EFCAB6: variants seen among roughly 807,000 people sequenced by gnomAD.
EFCAB6 encodes EF-hand calcium binding domain 6, also known as EF-hand calcium-binding domain-containing protein 6.
In EFCAB6, 156 loss-of-function variants were observed where a neutral mutation model predicts 169.8. The ratio of observed to expected loss-of-function variants is 0.92; its 90% CI spans 0.81 to 1.05. The LOEUF (loss-of-function observed/expected upper bound fraction) is 1.05, where lower values mean the gene tolerates loss of function less well. Among genes scored for constraint, EFCAB6 ranks in the 50% least tolerant of loss-of-function variants. The pLI, the probability that EFCAB6 is intolerant of heterozygous loss-of-function variation, is 0.00. For synonymous variants in EFCAB6, 698 were observed against 676.4 expected (o/e 1.03, Z -0.50); for missense variants, 1,800 against 1,829.1 (o/e 0.98, Z 0.29).
intron 17 of EFCAB6, among the ~76,000 whole-genome samples, chr22:43,640,937 G>A (rs569182326): frequency 4.3e-4 from 66 of 152,256 alleles, no homozygotes; most frequent in Admixed American, 4.6e-4. Flanking sequence ...GGTATCAACA[G>A]CTCAGGGAGA....
intron 2 of EFCAB6, among the ~76,000 whole-genome samples, chr22:43,796,677 A>G (rs1474984637): frequency 6.6e-6 from 1 of 152,178 alleles, no homozygotes; most frequent in African/African-American, 2.4e-5. Context: ...AGCTGCAGAC[A>G]ATTACGCTCT....
chr22:43,688,364 C>T (rs137798), intron 10 of EFCAB6, among the ~76,000 whole-genome samples: 18,376 of 152,162 alleles, frequency 0.12, 1,158 homozygotes, highest in Admixed American at 0.13. Flanking sequence ...GGCTCGTGTA[C>T]TTTGTTATGG....
intron 10 of EFCAB6, among the ~76,000 whole-genome samples, chr22:43,702,384 C>T (rs1335269361): frequency 6.6e-6 from 1 of 152,104 alleles, no homozygotes; most frequent in Non-Finnish European, 1.5e-5. Flanking sequence ...TGGAAATGCC[C>T]CAAATTGGAA....
At chr22:43,658,541 T>C (rs575254512) in intron 17 of EFCAB6, among the ~76,000 whole-genome samples, 4 of 152,096 alleles carry the variant, frequency 2.6e-5, no homozygotes, top group Non-Finnish European at 5.9e-5. Context: ...CACACTTTCG[T>C]GGTACGCAGG....
intron 26 of EFCAB6, among the ~76,000 whole-genome samples, chr22:43,557,283 A>G (rs1178481237): frequency 1.3e-5 from 2 of 152,242 alleles, no homozygotes; most frequent in Non-Finnish European, 2.9e-5. Flanking sequence ...GTATTAAAGC[A>G]TGAAACTAAC....
rs2060469002 is a variant in EFCAB6 at position 43,744,011 on chromosome 22, AG to A, written c.508-8019del. On this transcript the variant is annotated intron_variant, in intron 6 of 31. Transcript: ENST00000262726. This position sits in a 1 kb window ranked among gnomAD's most constrained non-coding sequence, Gnocchi z 4.3. Reference sequence around the variant, plus strand: ...GGTAAATGGATGAATGAATGGATGAAGGGATGAATGATGAATGAATGAATGA... The same window carrying A: ...GGTAAATGGATGAATGAATGGATGAAGGATGAATGATGAATGAATGAATGA... Among the ~76,000 whole-genome samples the A allele has an allele frequency of 6.7e-6, 1 of 148,650 alleles. No homozygotes were observed.
chr22:43,632,294 CT>C (rs200314912), intron 18 of EFCAB6, 56 bp from the exon 19 acceptor site: 119,837 of 1,099,610 alleles, frequency 0.11, 1 homozygote, highest in Non-Finnish European at 0.12. Flanking sequence ...TTCATTCCTT[CT>C]TTTTTTTTTT....
At chr22:43,595,998 CATG>C (rs889454311) in intron 23 of EFCAB6, among the ~76,000 whole-genome samples, 1 of 152,096 alleles carries the variant, frequency 6.6e-6, no homozygotes, top group Non-Finnish European at 1.5e-5. Flanking sequence ...GACAAAATTA[CATG>C]ATAATTTCAA....
At chr22:43,804,585 C>T (rs867029702) in intron 2 of EFCAB6, among the ~76,000 whole-genome samples, 2 of 151,986 alleles carry the variant, frequency 1.3e-5, no homozygotes. Flanking sequence ...ATGGCAAGAT[C>T]CCATTTCTAC....
chr22:43,531,033 G>A (rs926141220), intron 30 of EFCAB6, 69 bp from the exon 31 acceptor site: 6 of 1,591,584 alleles, frequency 3.8e-6, no homozygotes, highest in Non-Finnish European at 5.1e-6. Flanking sequence ...GCTCCTCCTC[G>A]CCTCGCCCCC....
At chr22:43,545,713 G>A (rs537012766) in intron 27 of EFCAB6, among the ~76,000 whole-genome samples, 1 of 152,304 alleles carries the variant, frequency 6.6e-6, no homozygotes, top group South Asian at 2.1e-4. Context: ...CTCCGGGCTG[G>A]GCACAGACCT....
chr22:43,720,504 C>A (rs943910767), intron 8 of EFCAB6, among the ~76,000 whole-genome samples: 1 of 151,770 alleles, frequency 6.6e-6, no homozygotes, highest in African/African-American at 2.4e-5. Flanking sequence ...AGAGCAAGAC[C>A]CTGTCTCTAA....
At chr22:43,681,910 C>T (rs1048172861) in intron 12 of EFCAB6, among the ~76,000 whole-genome samples, 21 of 152,168 alleles carry the variant, frequency 1.4e-4, no homozygotes, top group Non-Finnish European at 1.5e-5. Context: ...GCAGTTGGGT[C>T]CACTTGCAGA....
Position 43,650,792 on chromosome 22 carries a change from C to A in EFCAB6, c.1984-15576G>T, listed in dbSNP as rs145362931. ...ATGGAGATGAGGCACTTGTTGGGAA[C>A]TGGAGCAAAGGTGACTTGTTACATT... On this transcript the variant is annotated intron_variant, in intron 17 of 31. Transcript: ENST00000262726. Among the ~76,000 whole-genome samples, 623 of 152,254 alleles carry A rather than the reference C, an allele frequency of 4.1e-3. 3 individuals carry two copies. Among genetic ancestry groups the A allele is most frequent in the Middle Eastern group, 0.014 (4 of 294 alleles).
intron 12 of EFCAB6, among the ~76,000 whole-genome samples, chr22:43,680,333 T>C (rs578156105): frequency 2.0e-5 from 3 of 152,338 alleles, no homozygotes; most frequent in Admixed American, 2.0e-4. Context: ...TATCACACAG[T>C]CTTTACTACT....
intron 27 of EFCAB6, among the ~76,000 whole-genome samples, chr22:43,550,010 T>C (rs1430122633): frequency 1.3e-5 from 2 of 152,224 alleles, no homozygotes; most frequent in African/African-American, 2.4e-5. Flanking sequence ...AGGGAACTTT[T>C]ATGCTAGATA....
At chr22:43,664,844 C>T (rs1346209384) in intron 17 of EFCAB6, among the ~76,000 whole-genome samples, 1 of 152,094 alleles carries the variant, frequency 6.6e-6, no homozygotes, top group Non-Finnish European at 1.5e-5. Flanking sequence ...CGGTGGGTTC[C>T]ACTGAGGGGT....
At chr22:43,602,111 C>T (rs1168204913) in intron 22 of EFCAB6, among the ~76,000 whole-genome samples, 7 of 152,230 alleles carry the variant, frequency 4.6e-5, no homozygotes, top group Admixed American at 2.0e-4. Context: ...CGGATCAGTC[C>T]CTCAGCTGGG....
At chr22:43,611,151 A>T (rs756201217) in intron 21 of EFCAB6, among the ~76,000 whole-genome samples, 17 of 152,234 alleles carry the variant, frequency 1.1e-4, no homozygotes, top group Non-Finnish European at 2.4e-4. Flanking sequence ...AGATAATGTC[A>T]TTGATAGTTC....
Sources: gnomAD v4.1 joint callset for allele counts (sites outside exome capture counted in the v4.1 genomes callset) on GRCh38, gnomAD v4.1.1 for gene constraint, Gnocchi (gnomAD v3.1) non-coding constraint, MANE v1.5 for transcripts, NCBI Gene and HGNC (gene_info 2026-07-23, HGNC 2026-07-21) for gene names.